DPYD: variants seen among roughly 807,000 people sequenced by gnomAD.
The protein encoded by DPYD is dihydropyrimidine dehydrogenase.
A neutral mutation model predicts 116.2 loss-of-function variants in DPYD; 109 were observed. The ratio of observed to expected loss-of-function variants is 0.94; its 90% CI spans 0.80 to 1.10. The LOEUF (loss-of-function observed/expected upper bound fraction) is 1.10. Among genes scored for constraint, DPYD ranks in the 50% least tolerant of loss-of-function variants. The probability of loss-of-function intolerance (pLI) is 0.00; values close to 1 mark genes in which losing one functional copy is unlikely to be tolerated. For synonymous variants in DPYD, 440 were observed against 432.0 expected, an observed-to-expected ratio of 1.02 and a Z score of -0.23; for missense variants, 1,302 against 1,254.5, an observed-to-expected ratio of 1.04 and a Z score of -0.57.
intron 2 of DPYD, among the ~76,000 whole-genome samples, chr1:97,846,515 G>C (rs1670310739): frequency 6.6e-6 from 1 of 152,168 alleles, no homozygotes; most frequent in Admixed American, 6.5e-5. Context: ...ATAACCCCCA[G>C]GATGTGATGC....
At chr1:97,877,471 G>T (rs1341722361) in intron 2 of DPYD, among the ~76,000 whole-genome samples, 3 of 151,952 alleles carry the variant, frequency 2.0e-5, no homozygotes, top group African/African-American at 7.2e-5. Flanking sequence ...AATAAAAGAG[G>T]TCACGTGACT....
chr1:97,508,742 C>T (rs1295890135), intron 13 of DPYD, among the ~76,000 whole-genome samples: 1 of 151,834 alleles, frequency 6.6e-6, no homozygotes, highest in Non-Finnish European at 1.5e-5. Flanking sequence ...ATCAAATAGA[C>T]CTTGGTTCAA....
intron 14 of DPYD, among the ~76,000 whole-genome samples, chr1:97,441,724 G>A (rs976311386): frequency 6.6e-6 from 1 of 152,068 alleles, no homozygotes; most frequent in South Asian, 2.1e-4. Context: ...TACATAACAG[G>A]TAATTTTTTA....
At chr1:97,266,531 T>C (rs1363329904) in intron 18 of DPYD, among the ~76,000 whole-genome samples, 3 of 152,192 alleles carry the variant, frequency 2.0e-5, no homozygotes, top group African/African-American at 7.2e-5. Flanking sequence ...ATTCATTTCT[T>C]TTTTTATTAT....
chr1:97,688,323 C>T (rs1339717038), intron 7 of DPYD, among the ~76,000 whole-genome samples: 4 of 152,030 alleles, frequency 2.6e-5, no homozygotes, highest in African/African-American at 9.7e-5. Context: ...AATATAATCA[C>T]AGGCACAGAT....
At chr1:97,764,616 T>C (rs1159924101) in intron 3 of DPYD, among the ~76,000 whole-genome samples, 2 of 152,092 alleles carry the variant, frequency 1.3e-5, no homozygotes, top group Non-Finnish European at 2.9e-5. Context: ...AGTAAACTAG[T>C]TCTATTTATA....
rs1667579135 is a variant in DPYD at position 97,312,495 on chromosome 1, G to GA, written c.2059-6199_2059-6198insT. The stretch of plus-strand genomic sequence containing the variant: ...TCACTACAGCATTGTTTGCAGTAGT[G>GA]GAAAAAAAGAATAAATGTCAATATG... On this transcript the variant is annotated intron_variant, in intron 16 of 22. Transcript: ENST00000370192. Among the ~76,000 whole-genome samples the GA allele has an allele frequency of 4.6e-5, 7 of 151,472 alleles. 1 individual carries two copies. The South Asian group carries it at 1.5e-3, about 32-fold the overall frequency.
intron 19 of DPYD, among the ~76,000 whole-genome samples, chr1:97,233,365 G>A (rs72726646): frequency 6.6e-6 from 1 of 152,090 alleles, no homozygotes; most frequent in Non-Finnish European, 1.5e-5. Context: ...ACTGCAGAAG[G>A]GGGGAGGACG....
intron 20 of DPYD, among the ~76,000 whole-genome samples, chr1:97,173,546 G>A (rs1406568729): frequency 6.7e-6 from 1 of 149,658 alleles, no homozygotes; most frequent in Admixed American, 6.7e-5. Context: ...AGTATTTAGA[G>A]TTTATTACTA....
chr1:97,091,569 G>A (rs1485855649), intron 21 of DPYD, among the ~76,000 whole-genome samples: 1 of 152,240 alleles, frequency 6.6e-6, no homozygotes, highest in Admixed American at 6.5e-5. Flanking sequence ...TAATATCAAC[G>A]TGGACTGAAA....
chr1:97,700,889 T>C (rs1318114468), intron 5 of DPYD, among the ~76,000 whole-genome samples: 1 of 151,308 alleles, frequency 6.6e-6, no homozygotes, highest in African/African-American at 2.4e-5. Context: ...GCAAAAAAAA[T>C]AACTAGCTAA....
intron 16 of DPYD, among the ~76,000 whole-genome samples, chr1:97,307,496 G>A (rs541868739): frequency 2.0e-5 from 3 of 151,876 alleles, no homozygotes; most frequent in Non-Finnish European, 4.4e-5. Context: ...CCATCATCCT[G>A]TATTACTCAA....
intron 8 of DPYD, among the ~76,000 whole-genome samples, chr1:97,633,129 A>T (rs936728361): frequency 3.9e-5 from 6 of 152,170 alleles, no homozygotes; most frequent in Non-Finnish European, 8.8e-5. Flanking sequence ...GAGACCTGAA[A>T]GGTGAACCTA....
At position 97,377,288 on chromosome 1, in the gene DPYD, A is replaced by G. The variant is rs1671689094; in HGVS notation, c.1975-3644T>C. On this transcript the variant is annotated intron_variant, in intron 15 of 22. Transcript: ENST00000370192. ...GAAAAATAAGAGCTTTAACATATAT[A>G]AGAGTTTAAAGAGGAGTGATAAAAA... Among the ~76,000 whole-genome samples the G allele has an allele frequency of 2.0e-5, 3 of 152,224 alleles. No homozygotes were observed. The South Asian group carries it at 6.2e-4, about 32-fold the overall frequency.
At chr1:97,833,812 C>T (rs1669640466) in intron 2 of DPYD, among the ~76,000 whole-genome samples, 1 of 151,888 alleles carries the variant, frequency 6.6e-6, no homozygotes, top group Admixed American at 6.6e-5. Flanking sequence ...CATGTTTAAC[C>T]AGGTGATTTT....
chr1:97,911,266 T>A (rs1010579534), intron 1 of DPYD, among the ~76,000 whole-genome samples: 1 of 152,046 alleles, frequency 6.6e-6, no homozygotes, highest in Non-Finnish European at 1.5e-5. Flanking sequence ...GCATAAAGGA[T>A]GCTTAAGTTT....
At chr1:97,339,959 G>C (rs548353041) in intron 16 of DPYD, among the ~76,000 whole-genome samples, 1 of 152,116 alleles carries the variant, frequency 6.6e-6, no homozygotes, top group Admixed American at 6.6e-5. Context: ...AGATTCAGGA[G>C]TAAAATGGGC....
intron 18 of DPYD, among the ~76,000 whole-genome samples, chr1:97,256,774 A>G (rs973727632): frequency 2.0e-5 from 3 of 151,948 alleles, no homozygotes; most frequent in Non-Finnish European, 4.4e-5. Flanking sequence ...CTCTCCTCAG[A>G]CACCTTAGCA....
intron 8 of DPYD, among the ~76,000 whole-genome samples, chr1:97,603,750 T>C (rs1655408469): frequency 6.6e-6 from 1 of 152,162 alleles, no homozygotes; most frequent in South Asian, 2.1e-4. Context: ...ATAACCCCTT[T>C]ATCAGTAATT....
Sources: gnomAD v4.1 joint callset for allele counts (sites outside exome capture counted in the v4.1 genomes callset) on GRCh38, gnomAD v4.1.1 for gene constraint, MANE v1.5 for transcripts, NCBI Gene and HGNC (gene_info 2026-07-23, HGNC 2026-07-21) for gene names.